Variants in CATSPERB observed in about 807,000 individuals in gnomAD.
The protein encoded by CATSPERB is catsper channel auxiliary subunit beta, also known as cation channel sperm-associated auxiliary subunit beta.
A neutral mutation model predicts 128.3 loss-of-function variants in CATSPERB; 93 were observed. The observed-to-expected ratio is 0.72, with a 90% CI of 0.61 to 0.86. CATSPERB has a LOEUF of 0.86. Among genes scored for constraint, CATSPERB ranks in the 40% least tolerant of loss-of-function variants. The pLI, the probability that CATSPERB is intolerant of heterozygous loss-of-function variation, is 0.00. For synonymous variants in CATSPERB, 381 were observed against 448.8 expected (o/e 0.85, Z 1.91); for missense variants, 1,153 against 1,329.5 (o/e 0.87, Z 2.06).
intron 2 of CATSPERB, among the ~76,000 whole-genome samples, chr14:91,726,415 A>G (rs1371660848): frequency 2.0e-5 from 3 of 152,158 alleles, no homozygotes; most frequent in African/African-American, 7.2e-5. Flanking sequence ...ACACCTCTGT[A>G]TGTCCTGCAA....
At chr14:91,668,933 C>T (rs545224313) in intron 14 of CATSPERB, among the ~76,000 whole-genome samples, 36 of 152,290 alleles carry the variant, frequency 2.4e-4, no homozygotes, top group African/African-American at 8.2e-4. Flanking sequence ...TTGAAGTCAG[C>T]GAAACCAAGA....
chr14:91,661,493 T>G (rs1449946270), intron 14 of CATSPERB, among the ~76,000 whole-genome samples: 1 of 145,208 alleles, frequency 6.9e-6, no homozygotes, highest in African/African-American at 2.6e-5. Flanking sequence ...AAGAAAATAC[T>G]GAAAAATTAA....
chr14:91,656,204 TA>T (rs1894784430), intron 15 of CATSPERB, among the ~76,000 whole-genome samples: 1 of 151,950 alleles, frequency 6.6e-6, no homozygotes. Flanking sequence ...CAAGCATAAA[TA>T]AAAAGATATT....
chr14:91,624,650 A>C (rs796247943), intron 18 of CATSPERB, among the ~76,000 whole-genome samples, 170 bp downstream of exon 18: 3 of 152,284 alleles, frequency 2.0e-5, no homozygotes, highest in African/African-American at 7.2e-5. Flanking sequence ...CCAAAAAAAA[A>C]AAAAACAAAA....
At chr14:91,648,176 T>C (rs76796514) in intron 15 of CATSPERB, among the ~76,000 whole-genome samples, 1,643 of 152,318 alleles carry the variant, frequency 0.011, 24 homozygotes, top group African/African-American at 0.035. Context: ...ACATTTCAGC[T>C]TTTAAAATAG....
chr14:91,659,903 GAA>G lies in CATSPERB; in HGVS notation c.1364_1365del (p.Phe455SerfsTer2). On this transcript the variant is annotated frameshift_variant, in exon 15 of 27. Coordinates refer to ENST00000256343, the MANE Select transcript of CATSPERB (RefSeq NM_024764.4). LOFTEE classifies it high-confidence loss of function. The stretch of plus-strand genomic sequence containing the variant: ...GTAATAGCTGATGTATAAAAACTAT[GAA>G]AAGTCTTCTTTATGATATCATCATG... ...NFHDDIIKKT[F>X]HSFYTSAITF... 1.2e-6 allele frequency: 2 copies of G among 1,603,104 alleles called. No individual in the cohort carries two copies. The highest frequency in any genetic ancestry group is 1.7e-6 in the Non-Finnish European group (2 of 1,176,928).
At chr14:91,670,887 C>G (rs553404832) in intron 13 of CATSPERB, among the ~76,000 whole-genome samples, 2 of 152,160 alleles carry the variant, frequency 1.3e-5, no homozygotes, top group East Asian at 3.9e-4. Flanking sequence ...CCTGTAATTT[C>G]TGTTACTTGG....
intron 10 of CATSPERB, among the ~76,000 whole-genome samples, chr14:91,684,322 A>C (rs1895337832): frequency 6.6e-6 from 1 of 152,230 alleles, no homozygotes; most frequent in South Asian, 2.1e-4. Context: ...CATTCCCAGA[A>C]GCCTGACAGC....
Position 91,708,195 on chromosome 14 carries a change from G to A in CATSPERB, c.412C>T (p.His138Tyr). 1 of 1,611,280 alleles carries A rather than the reference G, an allele frequency of 6.2e-7. No homozygotes were observed. The highest frequency in any genetic ancestry group is 8.5e-7 in the Non-Finnish European group (1 of 1,178,460). ...GTAGCATAAATATTTAGTCCATGAT[G>A]TAAAGTGATTCTTACTAACCATTCT... ...VEEWLVRITLHHGLNIYATEG... is the reference protein window; with the variant it reads ...VEEWLVRITLYHGLNIYATEG... Residue 138 changes from histidine (H) to tyrosine (Y), a missense_variant, in exon 6 of 27, where the codon CAT becomes TAT. His to Tyr is a moderately conservative substitution (Grantham distance 83). Coordinates refer to ENST00000256343, the MANE Select transcript of CATSPERB (RefSeq NM_024764.4).
At chr14:91,690,453 T>G in intron 10 of CATSPERB, among the ~76,000 whole-genome samples, 1 of 152,214 alleles carries the variant, frequency 6.6e-6, no homozygotes, top group Non-Finnish European at 1.5e-5. Flanking sequence ...TTTTCCTCAC[T>G]GTTTCTGGCA....
At chr14:91,600,216 T>C (rs1171090270) in intron 22 of CATSPERB, among the ~76,000 whole-genome samples, 1 of 152,214 alleles carries the variant, frequency 6.6e-6, no homozygotes, top group Non-Finnish European at 1.5e-5. Context: ...CTGCACCATT[T>C]TGCATTCCTG....
intron 17 of CATSPERB, among the ~76,000 whole-genome samples, chr14:91,632,316 A>G (rs1250485694): frequency 6.6e-6 from 1 of 152,182 alleles, no homozygotes; most frequent in Non-Finnish European, 1.5e-5. Context: ...GCTACAAACA[A>G]AAACAAAACA....
intron 10 of CATSPERB, among the ~76,000 whole-genome samples, chr14:91,689,025 A>G (rs1362142784): frequency 6.6e-6 from 1 of 152,130 alleles, no homozygotes; most frequent in East Asian, 1.9e-4. Context: ...GAATTTTGAC[A>G]ATTGGAATAA....
At chr14:91,619,481 AT>A (rs1307353602) in intron 19 of CATSPERB, among the ~76,000 whole-genome samples, 1 of 151,804 alleles carries the variant, frequency 6.6e-6, no homozygotes, top group African/African-American at 2.4e-5. Flanking sequence ...GATGTTCTCA[AT>A]TTTTTTCAAA....
At chr14:91,717,207 A>T (rs1216702471) in intron 5 of CATSPERB, among the ~76,000 whole-genome samples, 3 of 152,190 alleles carry the variant, frequency 2.0e-5, no homozygotes, top group Non-Finnish European at 2.9e-5. Context: ...GTTGCCAGGG[A>T]CTGGGAGATG....
At chr14:91,714,938 C>T (rs1895911965) in intron 5 of CATSPERB, 1 of 152,758 alleles carries the variant, frequency 6.5e-6, no homozygotes, top group South Asian at 2.1e-4. Context: ...CATTCTCTCC[C>T]TCTTCCTCTA....
chr14:91,626,840 T>G (rs1331067746), intron 17 of CATSPERB, among the ~76,000 whole-genome samples: 1 of 152,236 alleles, frequency 6.6e-6, no homozygotes, highest in African/African-American at 2.4e-5. Flanking sequence ...ATTTACCATC[T>G]TCATGCAATG....
At chr14:91,608,446 T>C (rs370063885) in intron 21 of CATSPERB, 42 bp from the exon 22 acceptor site, 4 of 1,156,264 alleles carry the variant, frequency 3.5e-6, no homozygotes, top group Admixed American at 2.0e-5. Flanking sequence ...TTCATTATTA[T>C]GAAGTCTTTA....
In CATSPERB at chr14:91,630,483, A is replaced by G. The variant is rs1050176724; in HGVS notation, c.1743-5476T>C. 3.3e-5 allele frequency among the ~76,000 whole-genome samples: 5 copies of G among 152,154 alleles called. No individual in the cohort carries two copies. In the East Asian group the frequency reaches 5.8e-4, roughly 18 times the overall value. On this transcript the variant is annotated intron_variant, in intron 17 of 26. Coordinates refer to ENST00000256343, the MANE Select transcript of CATSPERB (RefSeq NM_024764.4). Reference sequence around the variant, plus strand: ...ACACATTTCAAACTGAACATTTCCAATGTGGAACTCTGAATTACCCTGCCT... The same window carrying G: ...ACACATTTCAAACTGAACATTTCCAGTGTGGAACTCTGAATTACCCTGCCT...
Sources: gnomAD v4.1 joint callset for allele counts (sites outside exome capture counted in the v4.1 genomes callset) on GRCh38, gnomAD v4.1.1 for gene constraint, MANE v1.5 for transcripts, NCBI Gene and HGNC (gene_info 2026-07-23, HGNC 2026-07-21) for gene names.